The following DNASE1 variants were observed in gnomAD, a reference collection of about 807,000 sequenced individuals.
The protein encoded by DNASE1 is deoxyribonuclease-1.
DNASE1 carries 40 observed loss-of-function variants against 33.9 expected under a neutral mutation model. The ratio of observed to expected loss-of-function variants is 1.18; its 90% CI spans 0.92 to 1.54. The LOEUF (loss-of-function observed/expected upper bound fraction) is 1.54, where lower values mean the gene tolerates loss of function less well. Ranked by LOEUF, DNASE1 falls within the 40% of genes most tolerant of loss-of-function variation. The pLI is 0.00. For synonymous variants in DNASE1, 216 were observed against 160.0 expected, an observed-to-expected ratio of 1.35 and a Z score of -2.64; for missense variants, 518 against 372.6, an observed-to-expected ratio of 1.39 and a Z score of -3.21.
intron 1 of DNASE1, among the ~76,000 whole-genome samples, chr16:3,614,787 AT>A (rs1278103595): frequency 6.6e-6 from 1 of 152,146 alleles, no homozygotes; most frequent in Non-Finnish European, 1.5e-5. Context: ...GATACAGAAA[AT>A]TTTTTTAAAC....
chr16:3,664,209 T>C lies in DNASE1; in HGVS notation c.*6256T>C, dbSNP rs377047464. 446 of 1,453,710 alleles carry C rather than the reference T, an allele frequency of 3.1e-4. 3 individuals are homozygous for C. The African/African-American group carries it at 4.2e-3, about 14-fold the overall frequency. 90.1% of individuals were successfully genotyped at this position (1,453,710 alleles called of 1,614,324 possible). On this transcript the variant is annotated 3_prime_UTR_variant, in exon 10 of 10. Coordinates refer to the DNASE1 transcript ENST00000407479. ...TGGGCAGGTTCACCCAGCACAGAGC[T>C]GAGAAGGTCAAGACCCTCCCCAGGT...
chr16:3,664,529 G>T, exon 10 of DNASE1: 1 of 1,490,610 alleles, frequency 6.7e-7, no homozygotes, highest in Non-Finnish European at 9.0e-7. Flanking sequence ...CTAACTGGGC[G>T]CAAACCCTCC....
intron 1 of DNASE1, among the ~76,000 whole-genome samples, chr16:3,619,895 A>T (rs1055236747): frequency 1.3e-5 from 2 of 151,938 alleles, no homozygotes; most frequent in South Asian, 4.1e-4. Flanking sequence ...AAATATAACG[A>T]AAATTCATAT....
chr16:3,618,250 TAAAAAAA>T (rs34169414), intron 1 of DNASE1, among the ~76,000 whole-genome samples: 8 of 120,244 alleles, frequency 6.7e-5, no homozygotes, highest in African/African-American at 1.2e-4. Context: ...AGCCATTTCC[TAAAAAAA>T]AAAAAAAAAA....
chr16:3,649,389 C>G (rs140776692), intron 1 of DNASE1, among the ~76,000 whole-genome samples: 1 of 152,296 alleles, frequency 6.6e-6, no homozygotes, highest in African/African-American at 2.4e-5. Context: ...AGTTGAGTTC[C>G]TAGCATCCCC....
intron 4 of DNASE1, 134 bp downstream of exon 4, chr16:3,656,319 A>T (rs73505458): frequency 1.0e-6 from 1 of 979,224 alleles, no homozygotes; most frequent in African/African-American, 1.6e-5. Flanking sequence ...GGGTGGAGTG[A>T]AAACACCCCA....
At chr16:3,633,300 T>A (rs559941635) in intron 1 of DNASE1, among the ~76,000 whole-genome samples, 1 of 152,312 alleles carries the variant, frequency 6.6e-6, no homozygotes, top group East Asian at 1.9e-4. Context: ...ATTATGCTTC[T>A]TATTATATAC....
chr16:3,649,506 T>A (rs1323571602), intron 1 of DNASE1, among the ~76,000 whole-genome samples: 1 of 152,230 alleles, frequency 6.6e-6, no homozygotes, highest in Non-Finnish European at 1.5e-5. Flanking sequence ...TTTGTAGAAC[T>A]GAGAATTTCT....
intron 1 of DNASE1, among the ~76,000 whole-genome samples, chr16:3,621,540 C>G (rs1469950066): frequency 2.6e-5 from 4 of 152,280 alleles, no homozygotes; most frequent in Non-Finnish European, 5.9e-5. Context: ...TGTGCACATA[C>G]AAATATAAAT....
chr16:3,650,957 A>G (rs945259062), upstream of DNASE1: 1 of 152,126 alleles, frequency 6.6e-6, no homozygotes, highest in African/African-American at 2.4e-5. Flanking sequence ...AATGGCCTTG[A>G]GCAGAGCAGA....
intron 1 of DNASE1, among the ~76,000 whole-genome samples, chr16:3,644,734 C>CA (rs779237862): frequency 5.8e-3 from 594 of 102,878 alleles, no homozygotes; most frequent in South Asian, 0.023. Context: ...GACTCCATCT[C>CA]AAAAAAAAAA....
chr16:3,663,760 G>A (rs1214465181), exon 10 of DNASE1: 9 of 627,578 alleles, frequency 1.4e-5, no homozygotes, highest in Non-Finnish European at 2.2e-5. Flanking sequence ...CTTCAAGGCA[G>A]AAGCACTCCA....
In DNASE1 at chr16:3,656,726, A is replaced by G. The variant is rs1895376769; in HGVS notation, c.409A>G (p.Ile137Val). The G allele has an allele frequency of 1.2e-6, 2 of 1,612,044 alleles. No homozygotes were observed. Among genetic ancestry groups the G allele is most frequent in the South Asian group, 2.2e-5 (2 of 90,670 alleles). Reference sequence around the variant, plus strand: ...CGACACCTTCAACCGAGAGCCAGCCATTGTCAGGTTCTTCTCCCGGTTCAC... The same window carrying G: ...CGACACCTTCAACCGAGAGCCAGCCGTTGTCAGGTTCTTCTCCCGGTTCAC... ...GNDTFNREPA[I>V]VRFFSRFTEV... Residue 137 changes from isoleucine to valine, a missense_variant, in exon 5 of 9, where the codon ATT becomes GTT. By Grantham distance (29) the Ile-to-Val change is conservative. Transcript: ENST00000246949.
intron 1 of DNASE1, among the ~76,000 whole-genome samples, chr16:3,646,652 T>C (rs2042180321): frequency 6.6e-6 from 1 of 152,064 alleles, no homozygotes; most frequent in African/African-American, 2.4e-5. Context: ...TTAGGGACAA[T>C]GAGAAACTGG....
intron 1 of DNASE1, among the ~76,000 whole-genome samples, chr16:3,615,799 G>C (rs1469087857): frequency 6.6e-6 from 1 of 152,170 alleles, no homozygotes; most frequent in African/African-American, 2.4e-5. Flanking sequence ...TACCCTCCTG[G>C]AATATTTCCT....
chr16:3,655,971 C>A, intron 3 of DNASE1, 34 bp downstream of exon 3: 3 of 1,613,242 alleles, frequency 1.9e-6, no homozygotes, highest in Non-Finnish European at 2.5e-6. Context: ...AGGAAGGTGA[C>A]ATCTCGTCCA....
At chr16:3,663,994 C>T (rs2050759392) in exon 10 of DNASE1, 1 of 366,144 alleles carries the variant, frequency 2.7e-6, no homozygotes, top group South Asian at 4.4e-5. Context: ...ACCCAGGAGG[C>T]GGAAGTTGCA....
At chr16:3,621,736 C>A (rs2041320871) in intron 1 of DNASE1, among the ~76,000 whole-genome samples, 1 of 152,172 alleles carries the variant, frequency 6.6e-6, no homozygotes, top group South Asian at 2.1e-4. Flanking sequence ...ATTGTATCAC[C>A]TATCAAGGGA....
chr16:3,632,099 C>T (rs917166664), intron 1 of DNASE1, among the ~76,000 whole-genome samples: 5 of 152,128 alleles, frequency 3.3e-5, no homozygotes, highest in African/African-American at 9.7e-5. Flanking sequence ...TGTTTAAATG[C>T]ATTAGTCTGC....
Sources: gnomAD v4.1 joint callset for allele counts (sites outside exome capture counted in the v4.1 genomes callset) on GRCh38, gnomAD v4.1.1 for gene constraint, MANE v1.5 for transcripts, NCBI Gene and HGNC (gene_info 2026-07-23, HGNC 2026-07-21) for gene names.